The following SERGEF variants were observed in gnomAD, a reference collection of about 807,000 sequenced individuals.
SERGEF encodes secretion-regulating guanine nucleotide exchange factor.
SERGEF carries 51 observed loss-of-function variants against 50.0 expected under a neutral mutation model. The observed-to-expected ratio is 1.02, with a 90% CI of 0.81 to 1.29. The LOEUF is 1.29. Among genes scored for constraint, SERGEF ranks in the 50% most tolerant of loss-of-function variants. SERGEF has a pLI of 0.00. For synonymous variants in SERGEF, 205 were observed against 212.4 expected (o/e 0.97, Z 0.30); for missense variants, 521 against 557.0 (o/e 0.94, Z 0.65).
chr11:17,951,766 T>C (rs1021632608), intron 9 of SERGEF, among the ~76,000 whole-genome samples: 52 of 152,172 alleles, frequency 3.4e-4, no homozygotes, highest in Admixed American at 2.0e-4. Flanking sequence ...CCATGTACTG[T>C]GACTTTGAGC....
intron 10 of SERGEF, among the ~76,000 whole-genome samples, chr11:17,867,577 G>A (rs1459915482): frequency 3.3e-5 from 5 of 152,200 alleles, no homozygotes; most frequent in African/African-American, 4.8e-5. Flanking sequence ...CTGGGGCCTG[G>A]AGGATAGTGG....
rs2299627 is a variant in SERGEF at position 17,965,632 on chromosome 11, C to A, written c.845-5996G>T. ...ACTGTTTAATTAATGTGTGCCTCCT[C>A]TTCCAGAGAGCCAGCTCCATGACAC... On this transcript the variant is annotated intron_variant, in intron 8 of 10. Transcript: ENST00000265965. Among the ~76,000 whole-genome samples the A allele has an allele frequency of 2.0e-4, 30 of 152,296 alleles. 1 individual carries two copies. In the East Asian group the frequency reaches 5.8e-3, roughly 29 times the overall value.
At chr11:17,864,068 C>T (rs772574543) in intron 10 of SERGEF, among the ~76,000 whole-genome samples, 5 of 152,214 alleles carry the variant, frequency 3.3e-5, no homozygotes, top group Non-Finnish European at 5.9e-5. Context: ...TTATGGTGCA[C>T]AGTGGAAGGC....
chr11:18,004,343 C>G, intron 4 of SERGEF, 98 bp downstream of exon 4: 1 of 847,160 alleles, frequency 1.2e-6, no homozygotes, highest in Non-Finnish European at 1.8e-6. Flanking sequence ...CATGGGTTCT[C>G]AGGGATCCTG....
intron 8 of SERGEF, among the ~76,000 whole-genome samples, chr11:17,961,458 A>C (rs550698729): frequency 6.6e-6 from 1 of 152,248 alleles, no homozygotes; most frequent in African/African-American, 2.4e-5. Context: ...GCTGGGAAAA[A>C]CTAGGAAGTT....
chr11:17,799,650 G>A (rs1849630417), intron 10 of SERGEF, among the ~76,000 whole-genome samples: 1 of 152,208 alleles, frequency 6.6e-6, no homozygotes, highest in South Asian at 2.1e-4. Flanking sequence ...AATAGTGGAG[G>A]TGGTAGTAAG....
At position 17,901,225 on chromosome 11, in the gene SERGEF, C is replaced by T. The variant is rs147391695; in HGVS notation, c.1012-22981G>A. 1.2e-3 allele frequency among the ~76,000 whole-genome samples: 184 copies of T among 152,308 alleles called. 1 individual carries two copies. Among genetic ancestry groups the T allele is most frequent in the African/African-American group, 4.2e-3 (175 of 41,566 alleles). On this transcript the variant is annotated intron_variant, in intron 9 of 10. Transcript: ENST00000265965. ...CCTCTTTTCCATCTCTACTGCCACTCTACTAGTTCAGGCCCTCAAAACACC... is the reference window on the plus strand; with the variant it reads ...CCTCTTTTCCATCTCTACTGCCACTTTACTAGTTCAGGCCCTCAAAACACC...
chr11:17,788,310 C>T lies in SERGEF; in HGVS notation c.1152G>A (p.Ser384=), dbSNP rs548021970. ...CCCCACAGCCCACAAGGAGTCCTGA[C>T]GATGACAGCAGAGCCTGCACCGGCT... is the stretch of plus-strand genomic sequence containing the variant. ...APKPVQALLS[S]SGLLVGCGAG... is the part of the protein sequence containing the mutation. The change falls in exon 11 of 11, where the codon TCG becomes TCA. Residue 384 remains serine (S), a synonymous_variant. Transcript: ENST00000265965. 60 of 1,614,174 alleles carry T rather than the reference C, an allele frequency of 3.7e-5. No homozygotes were observed. The South Asian group carries it at 4.7e-4, about 13-fold the overall frequency.
At chr11:17,885,235 T>C (rs549899165) in intron 9 of SERGEF, among the ~76,000 whole-genome samples, 2 of 152,306 alleles carry the variant, frequency 1.3e-5, no homozygotes, top group Non-Finnish European at 2.9e-5. Context: ...CCAGCTGCTA[T>C]CATCTTAGTT....
chr11:17,904,820 G>A lies in SERGEF; in HGVS notation c.1012-26576C>T, dbSNP rs74971484. Among the ~76,000 whole-genome samples, 802 of 152,284 alleles carry A rather than the reference G, an allele frequency of 5.3e-3. 12 individuals are homozygous for A. Among genetic ancestry groups the A allele is most frequent in the East Asian group, 0.046 (239 of 5,180 alleles). ...GACCCAAAACACAATGCAATGCAGTGCAAGACAGAAACTTCTGCTTGAGAA... is the reference window on the plus strand; with the variant it reads ...GACCCAAAACACAATGCAATGCAGTACAAGACAGAAACTTCTGCTTGAGAA... On this transcript the variant is annotated intron_variant, in intron 9 of 10. Transcript: ENST00000265965.
chr11:17,872,785 T>C (rs1177995264), intron 10 of SERGEF, among the ~76,000 whole-genome samples: 4 of 152,188 alleles, frequency 2.6e-5, no homozygotes, highest in Non-Finnish European at 4.4e-5. Context: ...ATAGGAACTT[T>C]GGAATATTAT....
At chr11:17,934,163 T>C (rs1852406008) in intron 9 of SERGEF, among the ~76,000 whole-genome samples, 1 of 152,186 alleles carries the variant, frequency 6.6e-6, no homozygotes, top group Admixed American at 6.6e-5. Flanking sequence ...ACTGCCATTA[T>C]CCAGGAAGGG....
intron 10 of SERGEF, among the ~76,000 whole-genome samples, chr11:17,865,408 CTG>C: frequency 6.6e-6 from 1 of 151,946 alleles, no homozygotes; most frequent in East Asian, 1.9e-4. Flanking sequence ...TTTAAGTTAA[CTG>C]TAAAAATACC....
intron 10 of SERGEF, among the ~76,000 whole-genome samples, chr11:17,795,033 C>T (rs1010680348): frequency 3.9e-5 from 6 of 152,186 alleles, no homozygotes; most frequent in African/African-American, 1.4e-4. Context: ...AATTAGGTAG[C>T]GAATGGTCCA....
chr11:17,940,870 T>G (rs919432869), intron 9 of SERGEF, among the ~76,000 whole-genome samples: 8 of 152,382 alleles, frequency 5.2e-5, no homozygotes, highest in Non-Finnish European at 1.0e-4. Context: ...TCCGAGTCAC[T>G]GTACTTCTGC....
At chr11:17,824,118 G>A (rs1249955176) in intron 10 of SERGEF, among the ~76,000 whole-genome samples, 1 of 152,098 alleles carries the variant, frequency 6.6e-6, no homozygotes, top group African/African-American at 2.4e-5. Context: ...TGGCTAACAC[G>A]GTGAAACCCC....
intron 10 of SERGEF, among the ~76,000 whole-genome samples, chr11:17,867,796 G>A (rs1851060913): frequency 6.6e-6 from 1 of 152,190 alleles, no homozygotes; most frequent in African/African-American, 2.4e-5. Context: ...TGACTTTGGT[G>A]CACTCGCAGG....
chr11:17,995,130 G>A (rs916580308), intron 6 of SERGEF, among the ~76,000 whole-genome samples: 2 of 152,162 alleles, frequency 1.3e-5, no homozygotes, highest in Non-Finnish European at 2.9e-5. Flanking sequence ...GGGGAAGAAG[G>A]GTGGGGGGAA....
At chr11:17,905,616 T>C (rs1188637549) in intron 9 of SERGEF, among the ~76,000 whole-genome samples, 9 of 152,150 alleles carry the variant, frequency 5.9e-5, no homozygotes, top group Admixed American at 3.3e-4. Flanking sequence ...GTGGAGACCA[T>C]TGGGTCTCTC....
Sources: allele counts gnomAD v4.1 joint callset (sites outside exome capture counted in the v4.1 genomes callset), GRCh38; gene constraint gnomAD v4.1.1; transcripts MANE v1.5; gene names NCBI Gene and HGNC (gene_info 2026-07-23, HGNC 2026-07-21).